UNC13A: variants seen among roughly 807,000 people sequenced by gnomAD.
The protein encoded by UNC13A is protein unc-13 homolog A.
In UNC13A, 61 loss-of-function variants were observed where a neutral mutation model predicts 219.7. That is an observed-to-expected ratio of 0.28 (90% CI 0.23 to 0.34). UNC13A has a LOEUF of 0.34. UNC13A is among the 10% of genes least tolerant of loss of function. UNC13A has a pLI of 1.00. For synonymous variants in UNC13A, 920 were observed against 884.6 expected (o/e 1.04, Z -0.71); for missense variants, 1,476 against 2,270.3 (o/e 0.65, Z 7.11).
In UNC13A at chr19:17,628,343, AC is replaced by A. The variant is rs376742074; in HGVS notation, c.3754-404del. Reference sequence around the variant, plus strand: ...CCTCACCCCGAGATATACACACGAGACCCCCCCCACAGATACACACACTCAG... The same window carrying A: ...CCTCACCCCGAGATATACACACGAGACCCCCCCACAGATACACACACTCAG... On this transcript the variant is annotated intron_variant, in intron 31 of 43. Transcript: ENST00000519716. 1,919 of 207,468 alleles carry A rather than the reference AC, an allele frequency of 9.2e-3. 30 individuals carry two copies. Among genetic ancestry groups the A allele is most frequent in the African/African-American group, 0.043 (1,806 of 42,358 alleles). 12.9% of individuals were successfully genotyped at this position (207,468 alleles called of 1,614,324 possible).
In UNC13A at chr19:17,649,117, C is replaced by T; in HGVS notation, c.1525-134G>A. The T allele has an allele frequency of 3.3e-6, 4 of 1,194,656 alleles. No individual in the cohort carries two copies. Among genetic ancestry groups the T allele is most frequent in the Non-Finnish European group, 4.7e-6 (4 of 847,744 alleles). 74.0% of individuals were successfully genotyped at this position (1,194,656 alleles called of 1,614,324 possible). ...CCGCAAGTTGGAAACAGGTCACCGACAGCATCCGGGCCAGACCCAACAAAG... is the reference window on the plus strand; with the variant it reads ...CCGCAAGTTGGAAACAGGTCACCGATAGCATCCGGGCCAGACCCAACAAAG... On this transcript the variant is annotated intron_variant, in intron 14 of 43. Coordinates refer to ENST00000519716, the MANE Select transcript of UNC13A (RefSeq NM_001080421.3). This position sits in a 1 kb window ranked among gnomAD's most constrained non-coding sequence, Gnocchi z 4.4.
At chr19:17,672,210 G>A (rs4808677) in intron 4 of UNC13A, among the ~76,000 whole-genome samples, 168 bp downstream of exon 4, 40,214 of 152,178 alleles carry the variant, frequency 0.26, 6,247 homozygotes, top group Middle Eastern at 0.42. Context: ...AGAGCAAGAT[G>A]GAAGGTGTAT....
intron 1 of UNC13A, among the ~76,000 whole-genome samples, chr19:17,676,725 T>C (rs750540524): frequency 6.6e-6 from 1 of 152,102 alleles, no homozygotes; most frequent in Non-Finnish European, 1.5e-5. Context: ...TCAAAATGCA[T>C]GTGGAGGGCG....
intron 43 of UNC13A, among the ~76,000 whole-genome samples, chr19:17,607,461 G>GGGGC (rs1555775359): frequency 1.6e-4 from 9 of 57,824 alleles, no homozygotes; most frequent in African/African-American, 5.7e-4. Context: ...TGGGGGTGGC[G>GGGGC]GGGGGGGGGG....
intron 43 of UNC13A, among the ~76,000 whole-genome samples, chr19:17,606,674 T>G (rs866906992): frequency 2.9e-4 from 42 of 146,082 alleles, no homozygotes; most frequent in African/African-American, 1.1e-3. Flanking sequence ...GCTCCCACCC[T>G]GAGATACCCG....
At position 17,674,156 on chromosome 19, in the gene UNC13A, G is replaced by C. The variant is rs577086367; in HGVS notation, c.152+501C>G. Reference sequence around the variant, plus strand: ...ACCTGAAGGAGAAGAGCCAGCTGGGGACAGGAGAGCAAGTGCAAGGGCCCT... The same window carrying C: ...ACCTGAAGGAGAAGAGCCAGCTGGGCACAGGAGAGCAAGTGCAAGGGCCCT... On this transcript the variant is annotated intron_variant, in intron 3 of 43. Coordinates refer to ENST00000519716, the MANE Select transcript of UNC13A (RefSeq NM_001080421.3). This position sits in a 1 kb window ranked among gnomAD's most constrained non-coding sequence, Gnocchi z 5.0. Among the ~76,000 whole-genome samples the C allele has an allele frequency of 6.6e-6, 1 of 151,876 alleles. No homozygotes were observed. Among genetic ancestry groups the C allele is most frequent in the African/African-American group, 2.4e-5 (1 of 41,426 alleles).
rs2079863316 is a variant in UNC13A at position 17,674,728 on chromosome 19, T to C, written c.81A>G (p.Lys27=). 6.2e-7 allele frequency: 1 copy of C among 1,613,944 alleles called. No individual in the cohort carries two copies. The change falls in exon 3 of 44, where the codon AAA becomes AAG. Residue 27 remains lysine, a synonymous_variant. Transcript: ENST00000519716. The surrounding 1 kb of genome is among the most constrained non-coding windows in gnomAD (Gnocchi z 5.0). ...QEKFNTYVTL[K]VQNVKSTTIA... is the part of the protein sequence containing the mutation. The stretch of plus-strand genomic sequence containing the variant: ...TGGTCGTGCTCTTGACATTCTGCAC[T>C]TTCAGGGTCACGTACGTGTTGAATT...
chr19:17,688,346 A>C lies in UNC13A; in HGVS notation c.-147T>G. 8.0e-7 allele frequency: 1 copy of C among 1,250,594 alleles called. No homozygotes were observed. Among genetic ancestry groups the C allele is most frequent in the Non-Finnish European group, 1.0e-6 (1 of 992,504 alleles). 77.5% of individuals were successfully genotyped at this position (1,250,594 alleles called of 1,614,324 possible). On this transcript the variant is annotated 5_prime_UTR_variant, in exon 1 of 44. Transcript: ENST00000519716. ...CCGCCACCGGCCATCTTGGTTCAGC[A>C]CCGGGGGCGCGGACAGCGCCTGACG... is the stretch of plus-strand genomic sequence containing the variant.
chr19:17,621,725 C>T (rs2076731652), intron 37 of UNC13A, 107 bp downstream of exon 37: 7 of 1,195,216 alleles, frequency 5.9e-6, no homozygotes, highest in Non-Finnish European at 8.6e-6. Flanking sequence ...ATCTCCTACC[C>T]ACGACCCCCA....
chr19:17,671,921 T>C (rs2079795903), intron 4 of UNC13A, among the ~76,000 whole-genome samples: 1 of 152,196 alleles, frequency 6.6e-6, no homozygotes. Context: ...AAAATGCTAA[T>C]TGCCTATATT....
At chr19:17,648,407 C>A in intron 16 of UNC13A, 24 bp downstream of exon 16, 1 of 1,536,046 alleles carries the variant, frequency 6.5e-7, no homozygotes. Flanking sequence ...AACCCGTGGC[C>A]CTGCGCTCAG....
intron 16 of UNC13A, 21 bp from the exon 17 acceptor site, chr19:17,647,513 C>T (rs1266212445): frequency 2.5e-6 from 4 of 1,606,260 alleles, no homozygotes; most frequent in South Asian, 1.1e-5. Flanking sequence ...CCGAGGCCGG[C>T]GCTGACCCCA....
chr19:17,688,113 C>T (rs2080149859), intron 1 of UNC13A, 65 bp downstream of exon 1: 2 of 1,507,110 alleles, frequency 1.3e-6, no homozygotes, highest in Admixed American at 4.4e-5. Context: ...GGAGCCGCAT[C>T]CACGCGGACC....
intron 37 of UNC13A, 84 bp from the exon 38 acceptor site, chr19:17,620,806 C>T: frequency 6.6e-7 from 1 of 1,507,654 alleles, no homozygotes. Context: ...CCTCAAAGCA[C>T]AGTCTCACTT....
Position 17,645,909 on chromosome 19 carries a change from C to T in UNC13A, c.2186+61G>A. The T allele has an allele frequency of 4.4e-6, 7 of 1,596,288 alleles. No homozygotes were observed. In the South Asian group the frequency reaches 7.9e-5, roughly 18 times the overall value. On this transcript the variant is annotated intron_variant, in intron 18 of 43. Transcript: ENST00000519716. The stretch of plus-strand genomic sequence containing the variant: ...CAGTGTGAGTCCTGTCCTTGGAGCC[C>T]TCTTTTGGCTGCCCCAGCAGGATGC...
intron 11 of UNC13A, among the ~76,000 whole-genome samples, chr19:17,653,695 G>A (rs984126634): frequency 4.0e-5 from 6 of 151,628 alleles, no homozygotes; most frequent in South Asian, 2.1e-4. Context: ...GTCTCACTAC[G>A]TTGCCCAGGC....
At chr19:17,652,821 C>A in intron 11 of UNC13A, 144 bp from the exon 12 acceptor site, 1 of 835,020 alleles carries the variant, frequency 1.2e-6, no homozygotes, top group Non-Finnish European at 1.9e-6. Flanking sequence ...TAGGAAGCTC[C>A]GTGGCTATCT....
intron 1 of UNC13A, among the ~76,000 whole-genome samples, chr19:17,680,307 G>C (rs1428188186): frequency 6.6e-6 from 1 of 152,218 alleles, no homozygotes; most frequent in African/African-American, 2.4e-5. Flanking sequence ...CCGGGTTGCT[G>C]TATCAGGGTC....
Position 17,674,980 on chromosome 19 carries a change from T to G in UNC13A, c.53-224A>C, listed in dbSNP as rs533438770. On this transcript the variant is annotated intron_variant, in intron 2 of 43. Transcript: ENST00000519716. This position sits in a 1 kb window ranked among gnomAD's most constrained non-coding sequence, Gnocchi z 5.0. ...CTTCGAAATGACCATGCCATTGGTTTTCAGCTAAAAAGACTGAGGTCCCAG... is the reference window on the plus strand; with the variant it reads ...CTTCGAAATGACCATGCCATTGGTTGTCAGCTAAAAAGACTGAGGTCCCAG... Among the ~76,000 whole-genome samples, 2 of 152,294 alleles carry G rather than the reference T, an allele frequency of 1.3e-5. No individual in the cohort carries two copies. Among genetic ancestry groups the G allele is most frequent in the East Asian group, 3.9e-4 (2 of 5,172 alleles).
Sources: gnomAD v4.1 joint callset for allele counts (sites outside exome capture counted in the v4.1 genomes callset) on GRCh38, gnomAD v4.1.1 for gene constraint, Gnocchi (gnomAD v3.1) non-coding constraint, MANE v1.5 for transcripts, NCBI Gene and HGNC (gene_info 2026-07-23, HGNC 2026-07-21) for gene names.